Variants in ZNF738 observed in about 807,000 individuals in gnomAD.
The protein encoded by ZNF738 is zinc finger protein 738.
A neutral mutation model predicts 9.2 loss-of-function variants in ZNF738; 10 were observed. That is an observed-to-expected ratio of 1.09 (90% CI 0.67 to 1.85). ZNF738 has a LOEUF of 1.85. Ranked by LOEUF, ZNF738 falls within the 40% of genes most tolerant of loss-of-function variation. The probability of loss-of-function intolerance (pLI) is 0.00; values close to 1 mark genes in which losing one functional copy is unlikely to be tolerated. For synonymous variants in ZNF738, 113 were observed against 94.5 expected (o/e 1.20, Z -1.14); for missense variants, 346 against 283.6 (o/e 1.22, Z -1.58).
intron 4 of ZNF738, chr19:21,376,208 T>C: frequency 3.0e-6 from 1 of 336,394 alleles, no homozygotes; most frequent in Non-Finnish European, 5.6e-6. Context: ...TTGATTTTCC[T>C]TCAAGTTCAC....
At chr19:21,371,103 A>G (rs764218937) in intron 2 of ZNF738, among the ~76,000 whole-genome samples, 23 of 152,236 alleles carry the variant, frequency 1.5e-4, no homozygotes, top group Middle Eastern at 3.2e-3. Flanking sequence ...ATCCAGAGCC[A>G]TAACCACAAC....
At chr19:21,378,283 G>C (rs1212436378) in intron 4 of ZNF738, 1 of 292,102 alleles carries the variant, frequency 3.4e-6, no homozygotes, top group Non-Finnish European at 6.3e-6. Flanking sequence ...ATGTATTTTT[G>C]TGTATGTGCG....
rs1224778365 is a variant in ZNF738, at chr19:21,386,638, A to G, written c.*2964A>G. ...AACCAGTCCTCAATTCTTACCAAAC[A>G]TAAGAAAATTCATATTGGAGATTAA... is the stretch of plus-strand genomic sequence containing the variant. On this transcript the variant is annotated 3_prime_UTR_variant, in exon 5 of 5. Coordinates refer to ENST00000683779, the MANE Select transcript of ZNF738 (RefSeq NM_001355237.2). The G allele has an allele frequency of 6.0e-5, 14 of 231,614 alleles. No individual in the cohort carries two copies. The highest frequency in any genetic ancestry group is 6.8e-5 in the South Asian group (1 of 14,674). The allele number at this position is 231,614 out of a possible 1,614,324, so 14.3% of individuals were successfully genotyped here.
At chr19:21,362,936 G>A (rs1285871315) in intron 2 of ZNF738, among the ~76,000 whole-genome samples, 7 of 152,184 alleles carry the variant, frequency 4.6e-5, no homozygotes, top group African/African-American at 1.7e-4. Flanking sequence ...TAATTGGTGA[G>A]TTACATAGAT....
chr19:21,382,153 C>T (rs1474076248), intron 4 of ZNF738, among the ~76,000 whole-genome samples: 1 of 143,352 alleles, frequency 7.0e-6, no homozygotes, highest in East Asian at 2.0e-4. Context: ...GCTACCTCTG[C>T]CTCCTGGGTT....
At chr19:21,361,224 G>A (rs966109379) in intron 1 of ZNF738, among the ~76,000 whole-genome samples, 24 of 152,050 alleles carry the variant, frequency 1.6e-4, no homozygotes, top group African/African-American at 5.5e-4. Context: ...CGCAACTTCT[G>A]CCTCCCGGGT....
intron 2 of ZNF738, among the ~76,000 whole-genome samples, chr19:21,364,880 G>A (rs1973754704): frequency 1.3e-5 from 2 of 148,694 alleles, no homozygotes; most frequent in Admixed American, 6.8e-5. Context: ...TGAGTGACTG[G>A]GACTACAGGC....
chr19:21,376,674 A>G (rs1300025418), intron 4 of ZNF738, among the ~76,000 whole-genome samples: 1 of 152,126 alleles, frequency 6.6e-6, no homozygotes, highest in Non-Finnish European at 1.5e-5. Context: ...CCTCCCGAGT[A>G]GCTGAGACTA....
intron 4 of ZNF738, among the ~76,000 whole-genome samples, chr19:21,382,604 A>G (rs1345718069): frequency 6.6e-6 from 1 of 152,118 alleles, no homozygotes; most frequent in African/African-American, 2.4e-5. Flanking sequence ...AAGTGTAACA[A>G]ACTTTTTTTT....
intron 4 of ZNF738, among the ~76,000 whole-genome samples, chr19:21,380,432 G>A (rs566880191): frequency 1.0e-3 from 152 of 152,312 alleles, no homozygotes; most frequent in African/African-American, 3.4e-3. Flanking sequence ...CCCCTGGCCT[G>A]TGGAGTGGGG....
At chr19:21,373,807 TC>T (rs1973890039) in intron 2 of ZNF738, among the ~76,000 whole-genome samples, 1 of 151,206 alleles carries the variant, frequency 6.6e-6, no homozygotes, top group Non-Finnish European at 1.5e-5. Flanking sequence ...TAAACATGTG[TC>T]AGATGAAGAG....
intron 4 of ZNF738, among the ~76,000 whole-genome samples, chr19:21,382,118 T>C (rs978326845): frequency 7.3e-6 from 1 of 137,296 alleles, no homozygotes; most frequent in Non-Finnish European, 1.5e-5. Flanking sequence ...CAGGCTAGAG[T>C]GCAATGGTGT....
chr19:21,362,080 CTAA>C (rs201728810), intron 2 of ZNF738, among the ~76,000 whole-genome samples: 6 of 139,820 alleles, frequency 4.3e-5, no homozygotes, highest in South Asian at 2.3e-4. Flanking sequence ...GAAACTCCAT[CTAA>C]TAATAATAAT....
At chr19:21,375,178 C>A in intron 2 of ZNF738, 60 bp from the exon 3 acceptor site, 1 of 843,252 alleles carries the variant, frequency 1.2e-6, no homozygotes, top group Non-Finnish European at 1.8e-6. Flanking sequence ...AACCTTAATT[C>A]AAATGATAAA....
In ZNF738 at chr19:21,384,247, A is replaced by C. The variant is rs371400606; in HGVS notation, c.*573A>C. The C allele has an allele frequency of 1.8e-5, 25 of 1,424,372 alleles. No homozygotes were observed. In the South Asian group the frequency reaches 2.9e-4, roughly 16 times the overall value. 88.2% of individuals were successfully genotyped at this position (1,424,372 alleles called of 1,614,324 possible). On this transcript the variant is annotated 3_prime_UTR_variant, in exon 5 of 5. Transcript: ENST00000683779. Reference sequence around the variant, plus strand: ...AGAATTCATACTGGTGAGAAACCCTACAAATGTGAAGAATGTGGCAAAGCC... The same window carrying C: ...AGAATTCATACTGGTGAGAAACCCTCCAAATGTGAAGAATGTGGCAAAGCC...
intron 4 of ZNF738, chr19:21,377,631 T>C (rs545414676): frequency 2.1e-6 from 1 of 465,658 alleles, no homozygotes; most frequent in African/African-American, 2.0e-5. Flanking sequence ...ATGTAAGATA[T>C]GACAGTTTTT....
intron 1 of ZNF738, among the ~76,000 whole-genome samples, chr19:21,361,446 T>C (rs979477261): frequency 6.6e-6 from 1 of 152,240 alleles, no homozygotes; most frequent in Non-Finnish European, 1.5e-5. Flanking sequence ...AGACCAATGG[T>C]ACTTTTAAGA....
chr19:21,386,555 CA>C lies in ZNF738; in HGVS notation c.*2885del. Reference sequence around the variant, plus strand: ...AACCAGTCCTACAAACCTTTTTGAACAAAATAATTCATACAGGAGAGAAACA... The same window carrying C: ...AACCAGTCCTACAAACCTTTTTGAACAAATAATTCATACAGGAGAGAAACA... On this transcript the variant is annotated 3_prime_UTR_variant, in exon 5 of 5. Transcript: ENST00000683779. 1 of 350,554 alleles carries C rather than the reference CA, an allele frequency of 2.9e-6. No homozygotes were observed. The highest frequency in any genetic ancestry group is 5.8e-6 in the Non-Finnish European group (1 of 171,276). The allele number at this position is 350,554 out of a possible 1,614,324, so 21.7% of individuals were successfully genotyped here.
chr19:21,381,145 C>A, intron 4 of ZNF738: 1 of 888,530 alleles, frequency 1.1e-6, no homozygotes. Context: ...ACGTGAGAGT[C>A]ACATGATTTC....
Sources: allele counts gnomAD v4.1 joint callset (sites outside exome capture counted in the v4.1 genomes callset), GRCh38; gene constraint gnomAD v4.1.1; transcripts MANE v1.5; gene names NCBI Gene and HGNC (gene_info 2026-07-23, HGNC 2026-07-21).